ZFAT: variants seen among roughly 807,000 people sequenced by gnomAD.
The protein encoded by ZFAT is zinc finger protein ZFAT.
Under a neutral mutation model 117.7 loss-of-function variants are expected in ZFAT, and 64 were observed. The ratio of observed to expected loss-of-function variants is 0.54; its 90% CI spans 0.44 to 0.67. The LOEUF (loss-of-function observed/expected upper bound fraction) is 0.67, where lower values mean the gene tolerates loss of function less well. ZFAT is among the 30% of genes least tolerant of loss of function. ZFAT has a pLI of 0.00. For missense variants in ZFAT, 1,433 were observed against 1,584.5 expected (o/e 0.90, Z 1.62); for synonymous variants, 679 against 615.0 (o/e 1.10, Z -1.54).
chr8:134,524,500 A>G (rs1820884419), intron 12 of ZFAT, among the ~76,000 whole-genome samples: 1 of 152,204 alleles, frequency 6.6e-6, no homozygotes, highest in Non-Finnish European at 1.5e-5. Flanking sequence ...GTCTCTCTTC[A>G]TTACTTAGGC....
chr8:134,634,183 C>T (rs16905204), intron 3 of ZFAT, among the ~76,000 whole-genome samples: 1 of 152,076 alleles, frequency 6.6e-6, no homozygotes, highest in African/African-American at 2.4e-5. Flanking sequence ...CGCTAGAAAA[C>T]AGCTTGTTAA....
chr8:134,567,173 A>G (rs972967462), intron 10 of ZFAT, among the ~76,000 whole-genome samples: 5 of 152,176 alleles, frequency 3.3e-5, no homozygotes, highest in African/African-American at 4.8e-5. Context: ...AGCTGGACAC[A>G]TCTTCTTCAC....
intron 2 of ZFAT, among the ~76,000 whole-genome samples, chr8:134,643,839 G>C (rs1830724456): frequency 6.6e-6 from 1 of 152,190 alleles, no homozygotes; most frequent in African/African-American, 2.4e-5. Flanking sequence ...CAAGGCTCCA[G>C]CAATCACATG....
the ZFAT span, among the ~76,000 whole-genome samples, chr8:134,720,399 G>C: frequency 6.6e-6 from 1 of 152,216 alleles, no homozygotes; most frequent in African/African-American, 2.4e-5. Flanking sequence ...GAGTCCATTT[G>C]GGGGAAGGAT....
the ZFAT span, among the ~76,000 whole-genome samples, chr8:134,737,477 G>C: frequency 6.6e-6 from 1 of 151,904 alleles, no homozygotes; most frequent in Non-Finnish European, 1.5e-5. Flanking sequence ...CCAGGGCTCT[G>C]TGTGTTCAGT....
intron 15 of ZFAT, among the ~76,000 whole-genome samples, chr8:134,502,404 G>A (rs1819060618): frequency 6.6e-6 from 1 of 152,258 alleles, no homozygotes; most frequent in Non-Finnish European, 1.5e-5. Context: ...CAGGCAACTG[G>A]TGTATATGGT....
upstream of ZFAT, among the ~76,000 whole-genome samples, chr8:134,713,565 G>A (rs1326916669): frequency 3.3e-5 from 5 of 152,144 alleles, no homozygotes; most frequent in African/African-American, 1.2e-4. Flanking sequence ...ACGATCACAC[G>A]TGACAAGGCG....
chr8:134,570,352 C>T (rs1389017262), intron 10 of ZFAT, among the ~76,000 whole-genome samples: 4 of 152,072 alleles, frequency 2.6e-5, no homozygotes, highest in Non-Finnish European at 5.9e-5. Flanking sequence ...TTATTTTCAT[C>T]TCTCAATTTT....
At chr8:134,653,365 A>G (rs1314631108) in intron 2 of ZFAT, among the ~76,000 whole-genome samples, 1 of 141,528 alleles carries the variant, frequency 7.1e-6, no homozygotes, top group African/African-American at 2.6e-5. Flanking sequence ...TAGCCTCAAC[A>G]TCCTGGCTCA....
intron 6 of ZFAT, 82 bp from the exon 7 acceptor site, chr8:134,600,750 C>T (rs2130922201): frequency 9.2e-7 from 1 of 1,091,128 alleles, no homozygotes; most frequent in Non-Finnish European, 1.3e-6. Flanking sequence ...TATTTTTTAT[C>T]TACAATATCT....
At chr8:134,723,505 C>G in the ZFAT span, 1 of 152,494 alleles carries the variant, frequency 6.6e-6, no homozygotes, top group South Asian at 2.1e-4. Context: ...AGGACAGGGC[C>G]TGTGCAGAGG....
At chr8:134,703,430 A>T (rs1309076746) in intron 1 of ZFAT, among the ~76,000 whole-genome samples, 1 of 152,220 alleles carries the variant, frequency 6.6e-6, no homozygotes, top group Non-Finnish European at 1.5e-5. Context: ...ATTCCCATAG[A>T]GGATATGTGA....
At chr8:134,791,271 A>G in the ZFAT span, among the ~76,000 whole-genome samples, 3 of 152,114 alleles carry the variant, frequency 2.0e-5, no homozygotes, top group Non-Finnish European at 4.4e-5. Flanking sequence ...TCCCTGGGTT[A>G]TTGTGTAGAA....
chr8:134,488,780 G>T (rs1003942015), intron 15 of ZFAT, among the ~76,000 whole-genome samples: 4 of 152,102 alleles, frequency 2.6e-5, no homozygotes, highest in African/African-American at 9.7e-5. Context: ...GGTGGCCAGG[G>T]ATGCTTTCCT....
chr8:134,485,537 T>C (rs1455052839), intron 15 of ZFAT, among the ~76,000 whole-genome samples: 1 of 152,210 alleles, frequency 6.6e-6, no homozygotes, highest in African/African-American at 2.4e-5. Flanking sequence ...TTTTCTGGAA[T>C]CCTTGACACT....
At chr8:134,584,469 CT>C (rs1226840046) in intron 9 of ZFAT, among the ~76,000 whole-genome samples, 1 of 152,214 alleles carries the variant, frequency 6.6e-6, no homozygotes, top group East Asian at 1.9e-4. Context: ...CTGAGTTAGA[CT>C]AAACACAAAG....
intron 1 of ZFAT, among the ~76,000 whole-genome samples, chr8:134,691,039 A>C (rs1453873184): frequency 2.6e-5 from 4 of 152,242 alleles, no homozygotes; most frequent in Non-Finnish European, 5.9e-5. Flanking sequence ...GTTGGAAAGG[A>C]CAGAGTGTCC....
At chr8:134,747,281 G>T in the ZFAT span, among the ~76,000 whole-genome samples, 1 of 151,948 alleles carries the variant, frequency 6.6e-6, no homozygotes, top group Non-Finnish European at 1.5e-5. Flanking sequence ...ATACAGATGA[G>T]GTCTCACTGT....
At chr8:134,497,177 G>A (rs193104798) in intron 15 of ZFAT, among the ~76,000 whole-genome samples, 1 of 152,154 alleles carries the variant, frequency 6.6e-6, no homozygotes. Context: ...GCGATGGAGA[G>A]CTTCTATTCT....
Sources: gnomAD v4.1 joint callset for allele counts (sites outside exome capture counted in the v4.1 genomes callset) on GRCh38, gnomAD v4.1.1 for gene constraint, MANE v1.5 for transcripts, NCBI Gene and HGNC (gene_info 2026-07-23, HGNC 2026-07-21) for gene names.